Variants in WDSUB1 observed in about 807,000 individuals in gnomAD.
WDSUB1 encodes the protein WD repeat, sterile alpha motif and U-box domain containing 1, also known as WD repeat, SAM and U-box domain-containing protein 1.
In WDSUB1, 49 loss-of-function variants were observed where a neutral mutation model predicts 53.9. That is an observed-to-expected ratio of 0.91 (90% CI 0.72 to 1.15). The LOEUF is 1.15. Among genes scored for constraint, WDSUB1 ranks in the 50% most tolerant of loss-of-function variants. WDSUB1 has a pLI of 0.00. For missense variants in WDSUB1, 514 were observed against 562.0 expected (o/e 0.91, Z 0.86); for synonymous variants, 194 against 200.6 (o/e 0.97, Z 0.28).
chr2:159,274,645 T>C (rs1294287755), intron 4 of WDSUB1, among the ~76,000 whole-genome samples: 1 of 150,190 alleles, frequency 6.7e-6, no homozygotes, highest in East Asian at 2.0e-4. Context: ...GTCTACTCCC[T>C]AAGTCCCCAG....
chr2:159,241,015 C>A (rs1000879665), intron 10 of WDSUB1, among the ~76,000 whole-genome samples: 10 of 152,106 alleles, frequency 6.6e-5, no homozygotes, highest in African/African-American at 1.9e-4. Context: ...AGAGAAAAGT[C>A]TACGATGACA....
Position 159,257,532 on chromosome 2 carries a change from A to C in WDSUB1, c.952+226T>G, listed in dbSNP as rs556590414. 7.9e-5 allele frequency among the ~76,000 whole-genome samples: 12 copies of C among 152,038 alleles called. No individual in the cohort carries two copies. In the South Asian group the frequency reaches 2.5e-3, roughly 32 times the overall value. ...CTCCCGAGTAGCGGGGATTATAAGCATGCACCATCATGCTGAGCTACTTTT... is the reference window on the plus strand; with the variant it reads ...CTCCCGAGTAGCGGGGATTATAAGCCTGCACCATCATGCTGAGCTACTTTT... On this transcript the variant is annotated intron_variant, in intron 8 of 10. Transcript: ENST00000359774.
chr2:159,285,180 A>G (rs900448453), intron 1 of WDSUB1, among the ~76,000 whole-genome samples: 1 of 152,226 alleles, frequency 6.6e-6, no homozygotes, highest in African/African-American at 2.4e-5. Context: ...TATAAGTTGA[A>G]TATTTATTTT....
Position 159,282,798 on chromosome 2 carries a change from A to T in WDSUB1, c.272T>A (p.Val91Glu), listed in dbSNP as rs1180297882. The T allele has an allele frequency of 6.2e-7, 1 of 1,614,188 alleles. No individual in the cohort carries two copies. Among genetic ancestry groups the T allele is most frequent in the Non-Finnish European group, 8.5e-7 (1 of 1,180,042 alleles). The change falls in exon 2 of 11, where the codon GTG becomes GAG. Residue 91 changes from valine (V) to glutamate (E), a missense_variant. Transcript: ENST00000359774. The stretch of plus-strand genomic sequence containing the variant: ...AGGGCTGCCACTAGGCTGTTCCATC[A>T]CTGCCAGCATCTGTCCATTTTCAGT... The part of the protein sequence containing the change: ...WNTENGQMLA[V>E]MEQPSGSPVR...
At chr2:159,245,092 T>C (rs538255300) in intron 10 of WDSUB1, among the ~76,000 whole-genome samples, 1 of 152,312 alleles carries the variant, frequency 6.6e-6, no homozygotes, top group South Asian at 2.1e-4. Flanking sequence ...AATCTATAGA[T>C]TAAACACCAT....
At chr2:159,272,686 T>G (rs2061467838) in intron 4 of WDSUB1, among the ~76,000 whole-genome samples, 1 of 152,228 alleles carries the variant, frequency 6.6e-6, no homozygotes, top group African/African-American at 2.4e-5. Flanking sequence ...TGCTTACAAT[T>G]TTTTAAATCT....
intron 9 of WDSUB1, among the ~76,000 whole-genome samples, chr2:159,255,192 G>A (rs1260594379): frequency 6.6e-6 from 1 of 152,046 alleles, no homozygotes; most frequent in African/African-American, 2.4e-5. Context: ...ACTTGGCCAG[G>A]CACGGTGGCT....
At chr2:159,240,449 G>A (rs1259367980) in intron 10 of WDSUB1, among the ~76,000 whole-genome samples, 2 of 152,166 alleles carry the variant, frequency 1.3e-5, no homozygotes, top group African/African-American at 2.4e-5. Context: ...AACCACACAT[G>A]AAGGTTCCAT....
intron 10 of WDSUB1, among the ~76,000 whole-genome samples, chr2:159,247,892 T>TATATATATAAAA (rs2060839300): frequency 3.5e-5 from 1 of 28,368 alleles, no homozygotes; most frequent in South Asian, 1.1e-3. Flanking sequence ...AATAAATATA[T>TATATATATAAAA]ATATATATAT....
chr2:159,249,719 G>A (rs569110955), intron 9 of WDSUB1, among the ~76,000 whole-genome samples: 3 of 152,086 alleles, frequency 2.0e-5, no homozygotes, highest in Non-Finnish European at 4.4e-5. Context: ...CCCAAGCTCA[G>A]GGCTCCTCAG....
chr2:159,272,136 C>T (rs1343914779), intron 4 of WDSUB1, among the ~76,000 whole-genome samples: 2 of 152,236 alleles, frequency 1.3e-5, no homozygotes, highest in African/African-American at 4.8e-5. Flanking sequence ...CCGCTGCGTA[C>T]ATACAGGTGG....
intron 10 of WDSUB1, 75 bp downstream of exon 10, chr2:159,248,297 T>C: frequency 6.5e-7 from 1 of 1,538,162 alleles, no homozygotes; most frequent in Admixed American, 2.2e-5. Context: ...TTAAGCAAAC[T>C]TCTGAGAACT....
chr2:159,271,282 A>T (rs899100532), intron 5 of WDSUB1, among the ~76,000 whole-genome samples: 4 of 152,212 alleles, frequency 2.6e-5, no homozygotes, highest in Admixed American at 2.6e-4. Context: ...AATGCCCTCA[A>T]ACCAGAAACA....
At chr2:159,239,161 C>A (rs1446732929) in intron 10 of WDSUB1, among the ~76,000 whole-genome samples, 1 of 152,092 alleles carries the variant, frequency 6.6e-6, no homozygotes, top group Non-Finnish European at 1.5e-5. Context: ...ACCACAACAC[C>A]TGGCTAATTT....
intron 5 of WDSUB1, among the ~76,000 whole-genome samples, chr2:159,263,503 G>A (rs2061270480): frequency 1.3e-5 from 2 of 152,194 alleles, no homozygotes; most frequent in South Asian, 4.1e-4. Context: ...AAGAAAGGTT[G>A]CAAGTTTGAT....
In WDSUB1 at chr2:159,286,623, C is replaced by T. The variant is rs1024727002; in HGVS notation, c.-65G>A. ...CGCGCGGGATCCGCCTTCAAGGTGCCCACGGGCGGTGCGGGTCACGTGCCG... is the reference window on the plus strand; with the variant it reads ...CGCGCGGGATCCGCCTTCAAGGTGCTCACGGGCGGTGCGGGTCACGTGCCG... On this transcript the variant is annotated 5_prime_UTR_variant, in exon 1 of 11. Transcript: ENST00000359774. 1 of 152,326 alleles carries T rather than the reference C, an allele frequency of 6.6e-6. No individual in the cohort carries two copies. Among genetic ancestry groups the T allele is most frequent in the African/African-American group, 2.4e-5 (1 of 41,424 alleles). The allele number at this position is 152,326 out of a possible 1,614,324, so 9.4% of individuals were successfully genotyped here.
At chr2:159,250,044 G>T (rs1433848409) in intron 9 of WDSUB1, among the ~76,000 whole-genome samples, 1 of 142,540 alleles carries the variant, frequency 7.0e-6, no homozygotes, top group Non-Finnish European at 1.5e-5. Context: ...AGCTGAGATG[G>T]CGCCACTGCA....
At chr2:159,236,612 A>G (rs935815833) in intron 10 of WDSUB1, among the ~76,000 whole-genome samples, 7 of 152,088 alleles carry the variant, frequency 4.6e-5, no homozygotes, top group Admixed American at 1.3e-4. Context: ...GAGATGACAG[A>G]ATTTACTCCC....
chr2:159,255,572 A>T (rs2061045256), intron 9 of WDSUB1, among the ~76,000 whole-genome samples: 1 of 152,168 alleles, frequency 6.6e-6, no homozygotes, highest in Non-Finnish European at 1.5e-5. Context: ...TTTTCACAAA[A>T]TCATTCTGTT....
Sources: gnomAD v4.1 joint callset for allele counts (sites outside exome capture counted in the v4.1 genomes callset) on GRCh38, gnomAD v4.1.1 for gene constraint, MANE v1.5 for transcripts, NCBI Gene and HGNC (gene_info 2026-07-23, HGNC 2026-07-21) for gene names.